CDC42BPB: variants seen among roughly 807,000 people sequenced by gnomAD.
CDC42BPB encodes CDC42 binding protein kinase beta.
CDC42BPB carries 37 observed loss-of-function variants against 214.9 expected under a neutral mutation model. The observed-to-expected ratio is 0.17, with a 90% CI of 0.13 to 0.23. The LOEUF (loss-of-function observed/expected upper bound fraction) is 0.23. Ranked by LOEUF, CDC42BPB falls within the 10% of genes least tolerant of loss-of-function variation. The pLI is 1.00. For missense variants in CDC42BPB, 1,694 were observed against 2,227.0 expected (o/e 0.76, Z 4.82); for synonymous variants, 931 against 884.0 (o/e 1.05, Z -0.94).
chr14:103,013,261 G>A (rs1337977910), intron 1 of CDC42BPB, among the ~76,000 whole-genome samples: 1 of 152,182 alleles, frequency 6.6e-6, no homozygotes, highest in Non-Finnish European at 1.5e-5. Flanking sequence ...ATTCTCCAAG[G>A]CAACACAAGT....
intron 1 of CDC42BPB, among the ~76,000 whole-genome samples, chr14:103,029,879 A>G (rs1595167723): frequency 6.6e-6 from 1 of 151,560 alleles, no homozygotes; most frequent in South Asian, 2.1e-4. Flanking sequence ...AAAAAAAAAA[A>G]AAAAGAAATG....
At chr14:103,038,404 A>C (rs578020378) in intron 1 of CDC42BPB, among the ~76,000 whole-genome samples, 1 of 152,136 alleles carries the variant, frequency 6.6e-6, no homozygotes, top group Non-Finnish European at 1.5e-5. Context: ...CGGGCAACCC[A>C]GATGTCCATC....
In CDC42BPB at chr14:103,001,557, G is replaced by A. The variant is rs1457049531; in HGVS notation, c.448-1844C>T. 1.3e-5 allele frequency among the ~76,000 whole-genome samples: 2 copies of A among 152,332 alleles called. No homozygotes were observed. Among genetic ancestry groups the A allele is most frequent in the Middle Eastern group, 3.4e-3 (1 of 294 alleles). On this transcript the variant is annotated intron_variant, in intron 4 of 36. Transcript: ENST00000361246. The surrounding 1 kb of genome is among the most constrained non-coding windows in gnomAD (Gnocchi z 5.8). ...AAAGGGGAGGGCCGGCCACAGTGGG[G>A]GCTGCAGCCCCACACTCAGAGCAGT...
chr14:103,057,361 C>G lies in CDC42BPB; in HGVS notation c.-188G>C. On this transcript the variant is annotated 5_prime_UTR_variant, in exon 1 of 37. Coordinates refer to ENST00000361246, the MANE Select transcript of CDC42BPB (RefSeq NM_006035.4). ...GGGCTCCGTCCCGACGGCGCAGAGTCTGGGGCGCCGGGCCCCGCGGGTCCA... is the reference window on the plus strand; with the variant it reads ...GGGCTCCGTCCCGACGGCGCAGAGTGTGGGGCGCCGGGCCCCGCGGGTCCA... The G allele has an allele frequency of 9.9e-7, 1 of 1,008,412 alleles. No individual in the cohort carries two copies. The highest frequency in any genetic ancestry group is 1.2e-6 in the Non-Finnish European group (1 of 845,544). The allele number at this position is 1,008,412 out of a possible 1,614,324, so 62.5% of individuals were successfully genotyped here.
In CDC42BPB at chr14:102,944,381, A is replaced by G. The variant is rs1284344801; in HGVS notation, c.3918T>C (p.Tyr1306=). 6 of 1,613,024 alleles carry G rather than the reference A, an allele frequency of 3.7e-6. No individual in the cohort carries two copies. Among genetic ancestry groups the G allele is most frequent in the Middle Eastern group, 1.6e-4 (1 of 6,084 alleles). ...LCGRNHHVHL[Y]PWSSLDGAEG... is the part of the protein sequence containing the mutation. ...CCGCTCCATCAAGGGACGACCACGG[A>G]TAGAGGTGCACATGGTGGTTCCGGC... The change falls in exon 30 of 37, where the codon TAT becomes TAC. Residue 1306 remains tyrosine, a synonymous_variant. Transcript: ENST00000361246. The surrounding 1 kb of genome is among the most constrained non-coding windows in gnomAD (Gnocchi z 6.6).
intron 8 of CDC42BPB, among the ~76,000 whole-genome samples, chr14:102,979,878 C>T (rs1395061623): frequency 1.3e-5 from 2 of 152,158 alleles, no homozygotes; most frequent in African/African-American, 2.4e-5. Context: ...GAACACCAAA[C>T]AAGTCCCACA....
chr14:102,966,735 G>A (rs932217374), intron 17 of CDC42BPB, among the ~76,000 whole-genome samples: 1 of 152,178 alleles, frequency 6.6e-6, no homozygotes, highest in African/African-American at 2.4e-5. Flanking sequence ...GTCCCAGCTC[G>A]CTCCAAGTCT....
chr14:103,016,317 G>A (rs1211782625), intron 1 of CDC42BPB, among the ~76,000 whole-genome samples: 3 of 152,130 alleles, frequency 2.0e-5, no homozygotes, highest in East Asian at 1.9e-4. Context: ...AGGAGGGAGC[G>A]GGCAGGAAGC....
intron 30 of CDC42BPB, chr14:102,940,564 A>G: frequency 9.2e-7 from 1 of 1,088,482 alleles, no homozygotes; most frequent in Non-Finnish European, 1.3e-6. Flanking sequence ...AATATTTTGA[A>G]TACTACAGTA....
At chr14:102,988,588 G>A (rs1894352818) in intron 5 of CDC42BPB, among the ~76,000 whole-genome samples, 1 of 152,046 alleles carries the variant, frequency 6.6e-6, no homozygotes, top group Admixed American at 6.5e-5. Context: ...TGTGTGCAGA[G>A]GCAGAGAGAA....
At chr14:103,034,818 CAAA>C (rs573894825) in intron 1 of CDC42BPB, among the ~76,000 whole-genome samples, 7 of 62,832 alleles carry the variant, frequency 1.1e-4, no homozygotes, top group Non-Finnish European at 7.1e-5. Context: ...ACTCCGTCTC[CAAA>C]AAAAAAAAAA....
At chr14:102,994,324 C>T (rs1204162240) in intron 5 of CDC42BPB, among the ~76,000 whole-genome samples, 2 of 152,116 alleles carry the variant, frequency 1.3e-5, no homozygotes, top group Non-Finnish European at 1.5e-5. Context: ...CACTGGGGGT[C>T]ATCTGCGCCG....
chr14:102,964,794 G>C, intron 18 of CDC42BPB, 144 bp from the exon 19 acceptor site: 1 of 1,303,136 alleles, frequency 7.7e-7, no homozygotes, highest in Non-Finnish European at 9.7e-7. Context: ...GGTGCCTCAG[G>C]AGTTTTAGTT....
At chr14:102,975,616 T>C (rs1321708081) in intron 11 of CDC42BPB, 68 bp downstream of exon 11, 3 of 1,487,524 alleles carry the variant, frequency 2.0e-6, no homozygotes, top group Admixed American at 1.8e-5. Flanking sequence ...AAAAGGACTC[T>C]GAAATTCCCT....
At position 102,936,012 on chromosome 14, in the gene CDC42BPB, A is replaced by G. The variant is rs754965042; in HGVS notation, c.5004+2092T>C. ...ACAAGCATATGAAAAGATGCTAAAC[A>G]TAAGTCTTTAGAGAATGCAAATCAA... On this transcript the variant is annotated intron_variant, in intron 36 of 36. Transcript: ENST00000361246. Among the ~76,000 whole-genome samples, 8 of 152,220 alleles carry G rather than the reference A, an allele frequency of 5.3e-5. No homozygotes were observed. In the East Asian group the frequency reaches 5.8e-4, roughly 11 times the overall value.
At chr14:102,996,832 C>A (rs1323176433) in intron 5 of CDC42BPB, among the ~76,000 whole-genome samples, 1 of 149,878 alleles carries the variant, frequency 6.7e-6, no homozygotes, top group African/African-American at 2.5e-5. Context: ...AAAAAACAAC[C>A]TATACTAATT....
chr14:102,996,302 T>C (rs554439510), intron 5 of CDC42BPB, among the ~76,000 whole-genome samples: 137 of 152,114 alleles, frequency 9.0e-4, no homozygotes, highest in Middle Eastern at 3.4e-3. Flanking sequence ...ATGATGCCAC[T>C]GCACTCCAGC....
chr14:102,965,081 G>A (rs1472250779), intron 18 of CDC42BPB, among the ~76,000 whole-genome samples: 1 of 151,896 alleles, frequency 6.6e-6, no homozygotes, highest in Non-Finnish European at 1.5e-5. Context: ...TACAGGTGCC[G>A]CACCACCATG....
At chr14:102,958,773 C>T (rs1892822561) in intron 21 of CDC42BPB, among the ~76,000 whole-genome samples, 1 of 152,106 alleles carries the variant, frequency 6.6e-6, no homozygotes, top group Non-Finnish European at 1.5e-5. Flanking sequence ...CCCATCGATC[C>T]CCAATGCCGA....
Sources: allele counts gnomAD v4.1 joint callset (sites outside exome capture counted in the v4.1 genomes callset), GRCh38; gene constraint gnomAD v4.1.1; non-coding constraint Gnocchi (gnomAD v3.1); transcripts MANE v1.5; gene names NCBI Gene and HGNC (gene_info 2026-07-23, HGNC 2026-07-21).